ZSWIM6: variants seen among roughly 807,000 people sequenced by gnomAD.
ZSWIM6 encodes zinc finger SWIM domain-containing protein 6.
In ZSWIM6, 9 loss-of-function variants were observed where a neutral mutation model predicts 113.2. That is an observed-to-expected ratio of 0.08 (90% CI 0.05 to 0.14). ZSWIM6 has a LOEUF of 0.14. Ranked by LOEUF, ZSWIM6 falls within the 10% of genes least tolerant of loss-of-function variation. The pLI is 1.00. For synonymous variants in ZSWIM6, 611 were observed against 606.5 expected, an observed-to-expected ratio of 1.01 and a Z score of -0.11; for missense variants, 1,162 against 1,552.2, an observed-to-expected ratio of 0.75 and a Z score of 4.22.
chr5:61,531,456 A>G lies in ZSWIM6; in HGVS notation c.1985-9A>G, dbSNP rs1391803306. ...TCTGAGCTCTGATTTCTTTTGTGGC[A>G]TTTTGCAGAGAATATGGGACAGTGC... is the stretch of plus-strand genomic sequence containing the variant. On this transcript the variant is annotated splice_polypyrimidine_tract_variant and intron_variant, in intron 8 of 13. Transcript: ENST00000252744. 2.6e-6 allele frequency: 4 copies of G among 1,532,060 alleles called. No individual in the cohort carries two copies. In the East Asian group the frequency reaches 9.9e-5, roughly 38 times the overall value. The allele number at this position is 1,532,060 out of a possible 1,614,324, so 94.9% of individuals were successfully genotyped here.
At chr5:61,526,012 T>A in intron 6 of ZSWIM6, 36 bp downstream of exon 6, 1 of 1,549,220 alleles carries the variant, frequency 6.5e-7, no homozygotes, top group South Asian at 1.2e-5. Flanking sequence ...TTCCATGACT[T>A]ACTTCTTTGT....
At chr5:61,434,805 GTGAAAAAAAGA>G (rs1470503214) in intron 1 of ZSWIM6, among the ~76,000 whole-genome samples, 3 of 152,076 alleles carry the variant, frequency 2.0e-5, no homozygotes, top group Non-Finnish European at 4.4e-5. Flanking sequence ...AGTGGAGGAT[GTGAAAAAAAGA>G]AAATGTTTGT....
At chr5:61,378,571 T>G (rs1745416486) in intron 1 of ZSWIM6, among the ~76,000 whole-genome samples, 1 of 152,192 alleles carries the variant, frequency 6.6e-6, no homozygotes, top group Non-Finnish European at 1.5e-5. Context: ...TTTTTTTTTT[T>G]TGAGACAGGG....
intron 1 of ZSWIM6, among the ~76,000 whole-genome samples, chr5:61,343,656 G>A (rs1334064751): frequency 6.6e-6 from 1 of 152,142 alleles, no homozygotes; most frequent in Non-Finnish European, 1.5e-5. Flanking sequence ...TGGTCATGCT[G>A]AACCTTTACT....
chr5:61,377,037 A>T, intron 1 of ZSWIM6, among the ~76,000 whole-genome samples: 1 of 151,886 alleles, frequency 6.6e-6, no homozygotes, highest in East Asian at 1.9e-4. Context: ...TAAAAAAAAA[A>T]GATATTAAAG....
intron 1 of ZSWIM6, among the ~76,000 whole-genome samples, chr5:61,443,862 TG>T (rs1380281274): frequency 6.6e-6 from 1 of 152,154 alleles, no homozygotes; most frequent in Non-Finnish European, 1.5e-5. Flanking sequence ...TACCTTTGCA[TG>T]GTACATTATT....
At chr5:61,399,344 G>A (rs6860608) in intron 1 of ZSWIM6, among the ~76,000 whole-genome samples, 33,464 of 150,374 alleles carry the variant, frequency 0.22, 3,933 homozygotes, top group South Asian at 0.31. Flanking sequence ...ATGTGACTTC[G>A]TTGAGAAAAT....
intron 2 of ZSWIM6, among the ~76,000 whole-genome samples, chr5:61,482,984 CA>C (rs1747918494): frequency 6.6e-6 from 1 of 151,232 alleles, no homozygotes; most frequent in Admixed American, 6.6e-5. Context: ...TAGCTTACCC[CA>C]AAAAAATAAA....
chr5:61,351,707 A>C (rs1407844910), intron 1 of ZSWIM6, among the ~76,000 whole-genome samples: 1 of 152,080 alleles, frequency 6.6e-6, no homozygotes, highest in African/African-American at 2.4e-5. Flanking sequence ...TATTTTTGCT[A>C]TCACAGTTTA....
At chr5:61,513,738 C>T (rs1291892493) in intron 4 of ZSWIM6, among the ~76,000 whole-genome samples, 1 of 152,040 alleles carries the variant, frequency 6.6e-6, no homozygotes, top group Non-Finnish European at 1.5e-5. Flanking sequence ...TACCTTTTCT[C>T]CACTCAATTG....
chr5:61,447,639 G>C (rs1264091110), intron 1 of ZSWIM6, among the ~76,000 whole-genome samples: 1 of 152,140 alleles, frequency 6.6e-6, no homozygotes, highest in African/African-American at 2.4e-5. Flanking sequence ...TCTTAGGAGG[G>C]CTTCTAAGAA....
chr5:61,505,450 T>C (rs1339818466), intron 4 of ZSWIM6, among the ~76,000 whole-genome samples: 1 of 151,998 alleles, frequency 6.6e-6, no homozygotes, highest in Non-Finnish European at 1.5e-5. Context: ...TCCAGTGAGG[T>C]TGGGCTGTTT....
chr5:61,477,275 C>G (rs1014239548), intron 2 of ZSWIM6, among the ~76,000 whole-genome samples: 1 of 152,148 alleles, frequency 6.6e-6, no homozygotes, highest in Admixed American at 6.5e-5. Flanking sequence ...CTTTTACTCC[C>G]AGGAGCTGGA....
chr5:61,363,443 T>C (rs896956797), intron 1 of ZSWIM6, among the ~76,000 whole-genome samples: 3 of 152,244 alleles, frequency 2.0e-5, no homozygotes, highest in African/African-American at 7.2e-5. Flanking sequence ...TGCACACTTC[T>C]GCTGAGTTCA....
At position 61,539,588 on chromosome 5, in the gene ZSWIM6, C is replaced by A; in HGVS notation, c.2540-8C>A. On this transcript the variant is annotated splice_polypyrimidine_tract_variant and splice_region_variant and intron_variant, in intron 11 of 13. Coordinates refer to ENST00000252744, the MANE Select transcript of ZSWIM6 (RefSeq NM_020928.2). ...TGGTTTGGTTTGGTTTTCCCTTGTTCATTGCAGGCGATGTTCGGAGGCTGG... is the reference window on the plus strand; with the variant it reads ...TGGTTTGGTTTGGTTTTCCCTTGTTAATTGCAGGCGATGTTCGGAGGCTGG... 1 of 1,547,406 alleles carries A rather than the reference C, an allele frequency of 6.5e-7. No individual in the cohort carries two copies. Among genetic ancestry groups the A allele is most frequent in the South Asian group, 1.2e-5 (1 of 83,484 alleles).
intron 1 of ZSWIM6, chr5:61,390,551 A>C: frequency 2.0e-6 from 1 of 504,562 alleles, no homozygotes; most frequent in South Asian, 1.9e-5. Flanking sequence ...AGAGCCTACA[A>C]AAGTTAAAAC....
At chr5:61,341,899 A>C (rs1353633615) in intron 1 of ZSWIM6, among the ~76,000 whole-genome samples, 1 of 54,084 alleles carries the variant, frequency 1.8e-5, no homozygotes, top group African/African-American at 7.8e-5. Flanking sequence ...TTTTTTTTTG[A>C]GATGGGGTCT....
At chr5:61,532,858 T>C (rs1360611253) in intron 9 of ZSWIM6, among the ~76,000 whole-genome samples, 1 of 152,192 alleles carries the variant, frequency 6.6e-6, no homozygotes, top group Non-Finnish European at 1.5e-5. Context: ...GTTACTGTTT[T>C]CTTTCAGTTT....
intron 1 of ZSWIM6, among the ~76,000 whole-genome samples, chr5:61,470,678 CAGTG>C (rs372784147): frequency 6.6e-6 from 1 of 151,920 alleles, no homozygotes; most frequent in East Asian, 1.9e-4. Flanking sequence ...CATTCTGAAA[CAGTG>C]AGAATATTTG....
Sources: allele counts gnomAD v4.1 joint callset (sites outside exome capture counted in the v4.1 genomes callset), GRCh38; gene constraint gnomAD v4.1.1; transcripts MANE v1.5; gene names NCBI Gene and HGNC (gene_info 2026-07-23, HGNC 2026-07-21).